NLGN1: variants seen among roughly 807,000 people sequenced by gnomAD.
NLGN1 encodes the protein neuroligin 1.
Under a neutral mutation model 65.5 loss-of-function variants are expected in NLGN1, and 12 were observed. That is an observed-to-expected ratio of 0.18 (90% CI 0.12 to 0.30). The LOEUF (loss-of-function observed/expected upper bound fraction) is 0.30, where lower values mean the gene tolerates loss of function less well. Among genes scored for constraint, NLGN1 ranks in the 10% least tolerant of loss-of-function variants. The pLI, the probability that NLGN1 is intolerant of heterozygous loss-of-function variation, is 1.00. For synonymous variants in NLGN1, 350 were observed against 359.5 expected (o/e 0.97, Z 0.30); for missense variants, 750 against 1,007.1 (o/e 0.74, Z 3.46).
chr3:173,465,083 C>T (rs1048459000), intron 2 of NLGN1, among the ~76,000 whole-genome samples: 3 of 152,074 alleles, frequency 2.0e-5, no homozygotes, highest in African/African-American at 7.2e-5. Flanking sequence ...CCTGATAATA[C>T]GCTTAGGCAT....
At chr3:173,701,984 A>G (rs1287563673) in intron 3 of NLGN1, among the ~76,000 whole-genome samples, 1 of 152,194 alleles carries the variant, frequency 6.6e-6, no homozygotes, top group Non-Finnish European at 1.5e-5. Context: ...TCACGCCTGT[A>G]ATCCCAGCAC....
intron 4 of NLGN1, among the ~76,000 whole-genome samples, chr3:173,874,127 G>A (rs1731684666): frequency 6.6e-6 from 1 of 152,118 alleles, no homozygotes; most frequent in South Asian, 2.1e-4. Flanking sequence ...AATTTCACTT[G>A]TTTAAGCCAC....
intron 4 of NLGN1, among the ~76,000 whole-genome samples, chr3:173,917,111 A>T (rs1740897098): frequency 6.6e-6 from 1 of 152,228 alleles, no homozygotes; most frequent in East Asian, 1.9e-4. Flanking sequence ...TGCATTCCAA[A>T]GTCAAGTTGA....
intron 4 of NLGN1, among the ~76,000 whole-genome samples, chr3:173,861,260 CTT>C (rs1250016020): frequency 6.6e-6 from 1 of 151,638 alleles, no homozygotes; most frequent in Non-Finnish European, 1.5e-5. Context: ...TTAGTTTTCT[CTT>C]ATCTTTCATA....
At chr3:174,064,909 T>C (rs995159060) in intron 4 of NLGN1, among the ~76,000 whole-genome samples, 5 of 150,984 alleles carry the variant, frequency 3.3e-5, no homozygotes, top group African/African-American at 1.2e-4. Flanking sequence ...AGACACATAG[T>C]AAGTACTATA....
intron 2 of NLGN1, among the ~76,000 whole-genome samples, chr3:173,497,233 A>C (rs1270612033): frequency 2.0e-5 from 3 of 151,600 alleles, no homozygotes; most frequent in Non-Finnish European, 2.9e-5. Flanking sequence ...AAAATACAAA[A>C]ATTAGCTAGG....
At chr3:173,965,024 T>C (rs1439722191) in intron 4 of NLGN1, among the ~76,000 whole-genome samples, 1 of 152,130 alleles carries the variant, frequency 6.6e-6, no homozygotes, top group Middle Eastern at 3.2e-3. Flanking sequence ...AAATTTTGAT[T>C]TATATTTCAG....
At chr3:173,939,946 A>G (rs1408076881) in intron 4 of NLGN1, among the ~76,000 whole-genome samples, 2 of 152,134 alleles carry the variant, frequency 1.3e-5, no homozygotes, top group African/African-American at 4.8e-5. Flanking sequence ...ACTCGGTCTT[A>G]AACAAAAATC....
In NLGN1 at chr3:173,421,336, G is replaced by A. The variant is rs79043691; in HGVS notation, c.-389-13674G>A. ...AGTTGCCCATCTTTCCTTCAAATAC[G>A]TTAGTGTACATTTTTTACAAATAAG... On this transcript the variant is annotated intron_variant, in intron 1 of 6. Transcript: ENST00000457714. Among the ~76,000 whole-genome samples, 1,411 of 151,806 alleles carry A rather than the reference G, an allele frequency of 9.3e-3. 15 individuals carry two copies. The highest frequency in any genetic ancestry group is 0.033 in the African/African-American group (1,352 of 41,440).
intron 4 of NLGN1, among the ~76,000 whole-genome samples, chr3:174,131,268 C>T (rs1173143778): frequency 6.6e-6 from 1 of 152,082 alleles, no homozygotes; most frequent in African/African-American, 2.4e-5. Context: ...CAATAATAGA[C>T]TTTTTATGTA....
At chr3:173,481,412 A>G (rs1247581193) in intron 2 of NLGN1, among the ~76,000 whole-genome samples, 5 of 151,998 alleles carry the variant, frequency 3.3e-5, no homozygotes, top group Admixed American at 6.6e-5. Context: ...ACTTCCTTCC[A>G]TCCTTCTTAT....
intron 3 of NLGN1, among the ~76,000 whole-genome samples, chr3:173,702,689 A>T (rs145325590): frequency 1.3e-3 from 194 of 152,266 alleles, no homozygotes; most frequent in African/African-American, 4.5e-3. Context: ...ATGTCTTTGG[A>T]AACATACTTG....
chr3:173,799,584 G>A (rs759620877), intron 3 of NLGN1, among the ~76,000 whole-genome samples: 5 of 151,856 alleles, frequency 3.3e-5, no homozygotes, highest in Admixed American at 6.6e-5. Context: ...TACCTTAATA[G>A]CTAAACACTG....
At chr3:173,603,000 C>A (rs1232059456) in intron 2 of NLGN1, among the ~76,000 whole-genome samples, 1 of 152,080 alleles carries the variant, frequency 6.6e-6, no homozygotes, top group Non-Finnish European at 1.5e-5. Context: ...TCCTTATAGC[C>A]TTCTGTGATG....
At chr3:173,616,871 C>T (rs1753180705) in intron 3 of NLGN1, among the ~76,000 whole-genome samples, 1 of 152,140 alleles carries the variant, frequency 6.6e-6, no homozygotes, top group South Asian at 2.1e-4. Flanking sequence ...CTTAATTCCC[C>T]TCAAGGATTC....
intron 2 of NLGN1, among the ~76,000 whole-genome samples, chr3:173,545,705 C>A (rs567714617): frequency 5.2e-4 from 79 of 152,176 alleles, no homozygotes; most frequent in African/African-American, 1.8e-3. Flanking sequence ...AAATGCCCAT[C>A]AATGATAGAC....
chr3:174,196,819 C>T (rs9877698), intron 4 of NLGN1, among the ~76,000 whole-genome samples: 31,283 of 152,028 alleles, frequency 0.21, 3,618 homozygotes, highest in African/African-American at 0.31. Flanking sequence ...ACTTTGCATA[C>T]GCCAAGATTG....
chr3:174,186,756 A>G (rs917520477), intron 4 of NLGN1, among the ~76,000 whole-genome samples: 1 of 152,068 alleles, frequency 6.6e-6, no homozygotes, highest in African/African-American at 2.4e-5. Flanking sequence ...TTTATTGCAC[A>G]CTTACTATGC....
chr3:173,484,162 G>A (rs1030916993), intron 2 of NLGN1, among the ~76,000 whole-genome samples: 15 of 152,074 alleles, frequency 9.9e-5, no homozygotes, highest in African/African-American at 3.6e-4. Flanking sequence ...TTAAACCTAT[G>A]TGTATTTAAA....
Sources: gnomAD v4.1 joint callset for allele counts (sites outside exome capture counted in the v4.1 genomes callset) on GRCh38, gnomAD v4.1.1 for gene constraint, MANE v1.5 for transcripts, NCBI Gene and HGNC (gene_info 2026-07-23, HGNC 2026-07-21) for gene names.